The following CTNNA3 variants were observed in gnomAD, a reference collection of about 807,000 sequenced individuals.
CTNNA3 encodes catenin alpha-3.
Under a neutral mutation model 95.7 loss-of-function variants are expected in CTNNA3, and 76 were observed. That is an observed-to-expected ratio of 0.79 (90% CI 0.66 to 0.96). The LOEUF is 0.96. CTNNA3 is among the 40% of genes least tolerant of loss of function. CTNNA3 has a pLI of 0.00. For missense variants in CTNNA3, 1,191 were observed against 1,089.8 expected, an observed-to-expected ratio of 1.09 and a Z score of -1.31; for synonymous variants, 431 against 374.4, an observed-to-expected ratio of 1.15 and a Z score of -1.74.
chr10:67,069,592 T>G (rs1398299623), intron 7 of CTNNA3, among the ~76,000 whole-genome samples: 2 of 14,190 alleles, frequency 1.4e-4, no homozygotes, highest in East Asian at 3.4e-3. Flanking sequence ...ACCCAGTCCC[T>G]GCCCAGAGTA....
At chr10:67,156,763 GT>G (rs1220432372) in intron 7 of CTNNA3, among the ~76,000 whole-genome samples, 4 of 152,146 alleles carry the variant, frequency 2.6e-5, no homozygotes, top group Middle Eastern at 3.4e-3. Context: ...ATATTCTGTT[GT>G]TTTTGATGGA....
At chr10:67,282,540 T>C (rs888241917) in intron 5 of CTNNA3, among the ~76,000 whole-genome samples, 17 of 152,250 alleles carry the variant, frequency 1.1e-4, no homozygotes, top group African/African-American at 3.9e-4. Flanking sequence ...TCTACTTTTA[T>C]GTTTTCTTTT....
chr10:67,087,030 G>A (rs918392677), intron 7 of CTNNA3, among the ~76,000 whole-genome samples: 2 of 151,920 alleles, frequency 1.3e-5, no homozygotes, highest in African/African-American at 2.4e-5. Flanking sequence ...ATGAAGAAAC[G>A]GATTTGGAAA....
At chr10:66,291,579 T>C (rs2091680893) in intron 12 of CTNNA3, among the ~76,000 whole-genome samples, 2 of 152,252 alleles carry the variant, frequency 1.3e-5, no homozygotes, top group South Asian at 2.1e-4. Flanking sequence ...GGTGATGCAG[T>C]TCTCGGTCAG....
intron 5 of CTNNA3, among the ~76,000 whole-genome samples, chr10:67,228,129 A>G (rs754218409): frequency 1.3e-5 from 2 of 152,224 alleles, no homozygotes; most frequent in Non-Finnish European, 2.9e-5. Flanking sequence ...TAGAGAAACA[A>G]GAACAAACCA....
chr10:65,931,287 C>T (rs1055293486), intron 17 of CTNNA3, among the ~76,000 whole-genome samples: 3 of 152,168 alleles, frequency 2.0e-5, no homozygotes, highest in East Asian at 1.9e-4. Flanking sequence ...ATATCTTTCT[C>T]GTAGTCTCAT....
intron 12 of CTNNA3, among the ~76,000 whole-genome samples, chr10:66,296,024 G>T (rs2091772067): frequency 1.3e-5 from 2 of 152,076 alleles, no homozygotes; most frequent in African/African-American, 2.4e-5. Flanking sequence ...AATAATTAAG[G>T]TATATCTATG....
chr10:67,673,211 G>A (rs1442906750), intron 1 of CTNNA3, among the ~76,000 whole-genome samples: 3 of 150,102 alleles, frequency 2.0e-5, no homozygotes, highest in African/African-American at 4.9e-5. Context: ...CATTGATTTT[G>A]TATCCTGAGA....
At chr10:67,085,590 T>C (rs1857261466) in intron 7 of CTNNA3, among the ~76,000 whole-genome samples, 1 of 152,030 alleles carries the variant, frequency 6.6e-6, no homozygotes, top group African/African-American at 2.4e-5. Flanking sequence ...AAGAGCTGTA[T>C]TGTCAGACTT....
At chr10:65,985,171 CAT>C (rs1371666896) in intron 16 of CTNNA3, among the ~76,000 whole-genome samples, 1 of 150,834 alleles carries the variant, frequency 6.6e-6, no homozygotes, top group Non-Finnish European at 1.5e-5. Flanking sequence ...AGAGTATAAA[CAT>C]AGTGAACAAT....
At chr10:66,506,815 T>A (rs550631056) in intron 11 of CTNNA3, among the ~76,000 whole-genome samples, 2 of 152,306 alleles carry the variant, frequency 1.3e-5, no homozygotes, top group East Asian at 3.9e-4. Flanking sequence ...TTGATGCTTT[T>A]AATCAAACTA....
chr10:66,824,063 G>A (rs910143726), intron 7 of CTNNA3, among the ~76,000 whole-genome samples: 41 of 146,406 alleles, frequency 2.8e-4, no homozygotes, highest in Non-Finnish European at 5.2e-4. Context: ...TTTTTTCCTA[G>A]AGAGTGGGCC....
At chr10:66,215,919 T>C (rs1486354610) in intron 13 of CTNNA3, among the ~76,000 whole-genome samples, 1 of 152,240 alleles carries the variant, frequency 6.6e-6, no homozygotes, top group East Asian at 1.9e-4. Flanking sequence ...TACCTCTCCA[T>C]TCCCTTTTTG....
intron 13 of CTNNA3, among the ~76,000 whole-genome samples, chr10:66,203,928 G>C (rs919911447): frequency 6.6e-6 from 1 of 151,950 alleles, no homozygotes; most frequent in Admixed American, 6.6e-5. Flanking sequence ...ATAAATTCTA[G>C]TAGAGACCAC....
intron 7 of CTNNA3, chr10:67,097,970 A>G: frequency 1.6e-6 from 1 of 617,038 alleles, no homozygotes; most frequent in African/African-American, 1.9e-5. Context: ...AATTGTTTTA[A>G]GTCTACACTT....
intron 12 of CTNNA3, among the ~76,000 whole-genome samples, chr10:66,309,065 T>C (rs1183341268): frequency 6.6e-6 from 1 of 152,142 alleles, no homozygotes; most frequent in Non-Finnish European, 1.5e-5. Context: ...AATTCCTACA[T>C]TTACCAACAG....
At chr10:66,211,508 G>T (rs146310916) in intron 13 of CTNNA3, among the ~76,000 whole-genome samples, 53 of 152,234 alleles carry the variant, frequency 3.5e-4, no homozygotes, top group African/African-American at 1.2e-3. Context: ...TGCAGTTGGG[G>T]GATGCTTTGG....
chr10:67,437,530 A>C (rs1362142836), intron 5 of CTNNA3, among the ~76,000 whole-genome samples: 2 of 152,066 alleles, frequency 1.3e-5, no homozygotes, highest in Non-Finnish European at 1.5e-5. Flanking sequence ...AAAATATAAA[A>C]ATTACACAAA....
At chr10:67,569,751 A>T (rs1841924019) in intron 3 of CTNNA3, among the ~76,000 whole-genome samples, 1 of 152,142 alleles carries the variant, frequency 6.6e-6, no homozygotes, top group Non-Finnish European at 1.5e-5. Context: ...AGGGGGAGGA[A>T]TAAAAATCTT....
Sources: allele counts gnomAD v4.1 joint callset (sites outside exome capture counted in the v4.1 genomes callset), GRCh38; gene constraint gnomAD v4.1.1; transcripts MANE v1.5; gene names NCBI Gene and HGNC (gene_info 2026-07-23, HGNC 2026-07-21).